The following LCORL variants were observed in gnomAD, a reference collection of about 807,000 sequenced individuals.
LCORL encodes the protein ligand dependent nuclear receptor corepressor like.
A neutral mutation model predicts 141.8 loss-of-function variants in LCORL; 41 were observed. The observed-to-expected ratio is 0.29, with a 90% CI of 0.23 to 0.38. The LOEUF (loss-of-function observed/expected upper bound fraction) is 0.38. Among genes scored for constraint, LCORL ranks in the 10% least tolerant of loss-of-function variants. The pLI is 1.00. For missense variants in LCORL, 1,759 were observed against 2,035.0 expected (o/e 0.86, Z 2.61); for synonymous variants, 618 against 694.1 (o/e 0.89, Z 1.72).
intron 1 of LCORL, among the ~76,000 whole-genome samples, chr4:17,979,183 T>A (rs1717547801): frequency 6.6e-6 from 1 of 152,192 alleles, no homozygotes; most frequent in African/African-American, 2.4e-5. Flanking sequence ...GCAAGCCCAC[T>A]GGGCTCTTTT....
intron 7 of LCORL, among the ~76,000 whole-genome samples, chr4:17,855,502 T>C (rs1420961011): frequency 1.3e-5 from 2 of 152,226 alleles, no homozygotes; most frequent in African/African-American, 2.4e-5. Context: ...TTTTTTGATA[T>C]ACTATCAATA....
chr4:17,998,054 A>C (rs13114449), intron 1 of LCORL, among the ~76,000 whole-genome samples: 1 of 152,192 alleles, frequency 6.6e-6, no homozygotes, highest in Admixed American at 6.5e-5. Flanking sequence ...TACAGTCTGT[A>C]CAGAACGTTA....
At chr4:17,911,260 A>G (rs1216662478) in intron 4 of LCORL, among the ~76,000 whole-genome samples, 2 of 152,028 alleles carry the variant, frequency 1.3e-5, no homozygotes, top group Non-Finnish European at 2.9e-5. Flanking sequence ...CTGAGCACTT[A>G]TATTTTATTT....
At chr4:17,891,845 A>C (rs1315711781) in intron 5 of LCORL, among the ~76,000 whole-genome samples, 1 of 152,218 alleles carries the variant, frequency 6.6e-6, no homozygotes, top group Non-Finnish European at 1.5e-5. Flanking sequence ...TTGGTTGATA[A>C]AGCGTCGAGC....
chr4:17,884,727 A>G lies in LCORL; in HGVS notation c.776+1341T>C. ...GCAAACTCAGCACTTCTTTCCACATAGTCCTCTCTGTTTCTGTGTAGTCTC... is the reference window on the plus strand; with the variant it reads ...GCAAACTCAGCACTTCTTTCCACATGGTCCTCTCTGTTTCTGTGTAGTCTC... On this transcript the variant is annotated intron_variant, in intron 6 of 7. Coordinates refer to ENST00000635767, the Ensembl canonical transcript of LCORL. The surrounding 1 kb of genome is among the most constrained non-coding windows in gnomAD (Gnocchi z 4.4). 1 of 1,487,790 alleles carries G rather than the reference A, an allele frequency of 6.7e-7. No homozygotes were observed. Among genetic ancestry groups the G allele is most frequent in the Non-Finnish European group, 8.9e-7 (1 of 1,121,060 alleles). 92.2% of individuals were successfully genotyped at this position (1,487,790 alleles called of 1,614,324 possible).
Position 17,863,073 on chromosome 4 carries a change from T to C in LCORL, c.5602+10315A>G, listed in dbSNP as rs562719597. 7.2e-5 allele frequency among the ~76,000 whole-genome samples: 11 copies of C among 152,276 alleles called. No individual in the cohort carries two copies. The South Asian group carries it at 2.3e-3, about 32-fold the overall frequency. On this transcript the variant is annotated intron_variant, in intron 7 of 7. Coordinates refer to ENST00000635767, the Ensembl canonical transcript of LCORL. Reference sequence around the variant, plus strand: ...GCTCACACCTGTAATCCCAGCACTTTGGGAGGCTGAGGTGGGTGGATCACC... The same window carrying C: ...GCTCACACCTGTAATCCCAGCACTTCGGGAGGCTGAGGTGGGTGGATCACC...
intron 4 of LCORL, among the ~76,000 whole-genome samples, chr4:17,947,471 T>A (rs959858702): frequency 1.3e-5 from 2 of 151,896 alleles, no homozygotes; most frequent in African/African-American, 4.8e-5. Context: ...TTGTTGGTTT[T>A]TTTTTAGATT....
intron 5 of LCORL, among the ~76,000 whole-genome samples, chr4:17,900,424 C>T (rs1438596613): frequency 1.3e-5 from 2 of 152,094 alleles, no homozygotes; most frequent in African/African-American, 4.8e-5. Context: ...AATGCCCTGA[C>T]CTTAGATCTT....
intron 5 of LCORL, among the ~76,000 whole-genome samples, chr4:17,889,945 T>C (rs1267510578): frequency 6.6e-6 from 1 of 152,036 alleles, no homozygotes; most frequent in Non-Finnish European, 1.5e-5. Flanking sequence ...ATAATGTAGA[T>C]AAAATTAAGC....
intron 5 of LCORL, among the ~76,000 whole-genome samples, chr4:17,887,498 C>T (rs568586128): frequency 2.0e-5 from 3 of 152,184 alleles, no homozygotes; most frequent in African/African-American, 4.8e-5. Context: ...CATGGGAGAA[C>T]GTTTCCAAAA....
intron 6 of LCORL, among the ~76,000 whole-genome samples, chr4:17,879,145 T>A (rs1008706026): frequency 6.6e-6 from 1 of 150,612 alleles, no homozygotes; most frequent in South Asian, 2.1e-4. Context: ...ATAATGCTGA[T>A]TATGAACTAC....
intron 4 of LCORL, among the ~76,000 whole-genome samples, chr4:17,954,890 G>A (rs1371656474): frequency 6.6e-6 from 1 of 152,174 alleles, no homozygotes; most frequent in Non-Finnish European, 1.5e-5. Flanking sequence ...GTTTTAGACA[G>A]GTCATTGTGG....
At chr4:17,988,236 C>A (rs762472255) in intron 1 of LCORL, among the ~76,000 whole-genome samples, 43 of 152,194 alleles carry the variant, frequency 2.8e-4, no homozygotes, top group Non-Finnish European at 1.0e-4. Context: ...CAGTAAGCCT[C>A]TTTTCTTTTG....
At position 17,880,986 on chromosome 4, in the gene LCORL, G is replaced by T. The variant is rs1253335081; in HGVS notation, c.777-2773C>A. 5.1e-6 allele frequency: 5 copies of T among 983,272 alleles called. No homozygotes were observed. In the East Asian group the frequency reaches 3.4e-4, roughly 67 times the overall value. The allele number at this position is 983,272 out of a possible 1,614,324, so 60.9% of individuals were successfully genotyped here. A position where few individuals can be genotyped will look rare whatever the true frequency, so the allele number is the denominator to read the frequency against. ...AAATTACTGCGACATTGGAAATACT[G>T]CAATTAAAAAACAAATACAAGTATT... On this transcript the variant is annotated intron_variant, in intron 6 of 7. Coordinates refer to ENST00000635767, the Ensembl canonical transcript of LCORL.
At chr4:17,872,891 T>C (rs1427746971) in intron 7 of LCORL, among the ~76,000 whole-genome samples, 1 of 152,144 alleles carries the variant, frequency 6.6e-6, no homozygotes, top group East Asian at 1.9e-4. Context: ...GATGTGAGAT[T>C]AGGATTATCC....
chr4:17,881,713 G>C (rs1005125146), intron 6 of LCORL: 1 of 945,540 alleles, frequency 1.1e-6, no homozygotes, highest in Non-Finnish European at 1.3e-6. Context: ...TATAGTGTGA[G>C]GAATAAAAAA....
exon 7 of LCORL, chr4:17,874,613 T>C: frequency 8.1e-7 from 1 of 1,233,852 alleles, no homozygotes. Context: ...GAATACAATT[T>C]TCAGCTTCAT....
intron 1 of LCORL, among the ~76,000 whole-genome samples, chr4:18,008,968 T>C (rs940300868): frequency 4.6e-5 from 7 of 152,122 alleles, no homozygotes; most frequent in Admixed American, 2.6e-4. Flanking sequence ...GACCCACCAC[T>C]CTTGAATTCC....
intron 4 of LCORL, among the ~76,000 whole-genome samples, chr4:17,917,599 T>C (rs905218279): frequency 3.9e-5 from 6 of 152,206 alleles, no homozygotes; most frequent in African/African-American, 1.2e-4. Flanking sequence ...AGAAAGCAAA[T>C]GATGCCAACA....
Sources: allele counts gnomAD v4.1 joint callset (sites outside exome capture counted in the v4.1 genomes callset), GRCh38; gene constraint gnomAD v4.1.1; non-coding constraint Gnocchi (gnomAD v3.1); transcripts MANE v1.5; gene names NCBI Gene and HGNC (gene_info 2026-07-23, HGNC 2026-07-21).